Variants in WDR72 observed in about 807,000 individuals in gnomAD.
The protein encoded by WDR72 is WD repeat-containing protein 72.
In WDR72, 120 loss-of-function variants were observed where a neutral mutation model predicts 124.2. That is an observed-to-expected ratio of 0.97 (90% CI 0.83 to 1.12). The LOEUF (loss-of-function observed/expected upper bound fraction) is 1.12, where lower values mean the gene tolerates loss of function less well. Ranked by LOEUF, WDR72 falls within the 50% of genes most tolerant of loss-of-function variation. The probability of loss-of-function intolerance (pLI) is 0.00; values close to 1 mark genes in which losing one functional copy is unlikely to be tolerated. For missense variants in WDR72, 1,387 were observed against 1,278.8 expected, an observed-to-expected ratio of 1.08 and a Z score of -1.29; for synonymous variants, 452 against 441.7, an observed-to-expected ratio of 1.02 and a Z score of -0.29.
At chr15:53,736,998 A>AACACACAC (rs67659814) in intron 1 of WDR72, among the ~76,000 whole-genome samples, 1,535 of 141,174 alleles carry the variant, frequency 0.011, 24 homozygotes, top group East Asian at 0.03. Flanking sequence ...GTAGATGTAA[A>AACACACAC]ACACACACAC....
chr15:53,682,055 G>A (rs2140481307), intron 13 of WDR72, among the ~76,000 whole-genome samples: 1 of 152,250 alleles, frequency 6.6e-6, no homozygotes, highest in African/African-American at 2.4e-5. Context: ...AAAATTACAT[G>A]TGCCTGTTTT....
chr15:53,663,804 T>C (rs1330404953), intron 14 of WDR72, among the ~76,000 whole-genome samples: 2 of 152,070 alleles, frequency 1.3e-5, no homozygotes, highest in African/African-American at 4.8e-5. Context: ...TTATTCACTA[T>C]AGCCTTATGA....
chr15:53,539,492 G>T (rs1277944265), intron 18 of WDR72, among the ~76,000 whole-genome samples: 2 of 152,008 alleles, frequency 1.3e-5, no homozygotes, highest in Middle Eastern at 3.2e-3. Flanking sequence ...TGTATTACCT[G>T]AGAGTAAAAG....
chr15:53,756,560 T>A (rs1373778045), intron 1 of WDR72: 7 of 152,154 alleles, frequency 4.6e-5, no homozygotes, highest in Non-Finnish European at 7.4e-5. Context: ...AAACACTTAC[T>A]GTGTAGGGCT....
In WDR72 at chr15:53,529,162, A is replaced by T. The variant is rs1175685606; in HGVS notation, c.3149-5840T>A. On this transcript the variant is annotated intron_variant, in intron 18 of 19. Transcript: ENST00000360509. ...GTTTAGCCCATATATATATATATAT[A>T]TATTTTTTTTTTTTTTTTTAAAAGA... 2.8e-3 allele frequency among the ~76,000 whole-genome samples: 167 copies of T among 58,728 alleles called. 2 individuals are homozygous for T. The highest frequency in any genetic ancestry group is 8.2e-3 in the Admixed American group (42 of 5,112). 38.5% of individuals were successfully genotyped at this position (58,728 alleles called of 152,430 possible). A position where few individuals can be genotyped will look rare whatever the true frequency, so the allele number is the denominator to read the frequency against.
At chr15:53,678,080 T>C (rs1337469550) in intron 13 of WDR72, among the ~76,000 whole-genome samples, 1 of 152,134 alleles carries the variant, frequency 6.6e-6, no homozygotes, top group East Asian at 1.9e-4. Flanking sequence ...GGTTTAGGGA[T>C]AGATTTAAAG....
intron 1 of WDR72, among the ~76,000 whole-genome samples, chr15:53,751,327 C>A (rs898429582): frequency 6.6e-6 from 1 of 152,054 alleles, no homozygotes; most frequent in African/African-American, 2.4e-5. Flanking sequence ...GCCAGAACCA[C>A]CCCCAAACTC....
At chr15:53,694,953 G>A (rs71474849) in intron 13 of WDR72, among the ~76,000 whole-genome samples, 5,923 of 152,204 alleles carry the variant, frequency 0.039, 143 homozygotes, top group Non-Finnish European at 0.05. Context: ...TTGGAACACA[G>A]CGTCACCCTC....
intron 5 of WDR72, 57 bp downstream of exon 5, chr15:53,715,136 A>G: frequency 6.4e-7 from 1 of 1,573,350 alleles, no homozygotes; most frequent in South Asian, 1.1e-5. Flanking sequence ...CAAATAATTC[A>G]AAAGTAGATA....
intron 1 of WDR72, among the ~76,000 whole-genome samples, chr15:53,758,635 A>C (rs2018976293): frequency 6.6e-6 from 1 of 152,008 alleles, no homozygotes; most frequent in Non-Finnish European, 1.5e-5. Context: ...GTGAGAGCTG[A>C]ACAGGGAAGA....
At chr15:53,696,473 A>T (rs1207496193) in intron 13 of WDR72, among the ~76,000 whole-genome samples, 1 of 152,222 alleles carries the variant, frequency 6.6e-6, no homozygotes, top group African/African-American at 2.4e-5. Flanking sequence ...TACTGAGGTA[A>T]GGGCACTTGG....
At chr15:53,579,173 T>A (rs980969353) in intron 18 of WDR72, among the ~76,000 whole-genome samples, 1 of 152,054 alleles carries the variant, frequency 6.6e-6, no homozygotes, top group Non-Finnish European at 1.5e-5. Context: ...CATGTTTAGG[T>A]GAGCCTAACA....
intron 14 of WDR72, among the ~76,000 whole-genome samples, chr15:53,619,046 A>AT (rs1378917346): frequency 6.6e-6 from 1 of 151,692 alleles, no homozygotes; most frequent in African/African-American, 2.4e-5. Flanking sequence ...TGATTTTTAC[A>AT]TTTTTCATTG....
intron 1 of WDR72, among the ~76,000 whole-genome samples, chr15:53,733,686 T>G (rs690293): frequency 0.062 from 9,389 of 152,254 alleles, 989 homozygotes; most frequent in African/African-American, 0.21. Flanking sequence ...TTCTGCCATA[T>G]TCTATTTTTA....
chr15:53,699,393 T>C (rs2017097554), intron 13 of WDR72, among the ~76,000 whole-genome samples: 1 of 152,204 alleles, frequency 6.6e-6, no homozygotes, highest in Admixed American at 6.5e-5. Context: ...GTTGCTGAGA[T>C]GGTGAGCATG....
chr15:53,611,856 C>T (rs2013553417), intron 16 of WDR72, among the ~76,000 whole-genome samples: 1 of 152,026 alleles, frequency 6.6e-6, no homozygotes, highest in African/African-American at 2.4e-5. Flanking sequence ...AAACTAAGCA[C>T]AAGTTAATTG....
At chr15:53,709,690 A>G (rs759468234) in intron 9 of WDR72, among the ~76,000 whole-genome samples, 7 of 152,186 alleles carry the variant, frequency 4.6e-5, no homozygotes, top group Non-Finnish European at 8.8e-5. Context: ...ACTGCCCACA[A>G]ATAATTTTAG....
At chr15:53,704,589 T>C (rs1011390409) in intron 11 of WDR72, among the ~76,000 whole-genome samples, 2 of 151,354 alleles carry the variant, frequency 1.3e-5, no homozygotes, top group Non-Finnish European at 2.9e-5. Context: ...TGCAGTGGCG[T>C]GATCTCAGCT....
At chr15:53,587,027 G>C (rs886510961) in intron 18 of WDR72, among the ~76,000 whole-genome samples, 10 of 152,036 alleles carry the variant, frequency 6.6e-5, no homozygotes, top group African/African-American at 2.4e-4. Context: ...AACTGCCCAA[G>C]TGAGGGACTG....
Sources: allele counts gnomAD v4.1 joint callset (sites outside exome capture counted in the v4.1 genomes callset), GRCh38; gene constraint gnomAD v4.1.1; transcripts MANE v1.5; gene names NCBI Gene and HGNC (gene_info 2026-07-23, HGNC 2026-07-21).